Variants in MTMR9 observed in about 807,000 individuals in gnomAD.
MTMR9 encodes myotubularin-related protein 9.
MTMR9 carries 39 observed loss-of-function variants against 69.5 expected under a neutral mutation model. The observed-to-expected ratio is 0.56, with a 90% CI of 0.43 to 0.73. The LOEUF (loss-of-function observed/expected upper bound fraction) is 0.73. Among genes scored for constraint, MTMR9 ranks in the 30% least tolerant of loss-of-function variants. MTMR9 has a pLI of 0.00. For missense variants in MTMR9, 900 were observed against 671.2 expected, an observed-to-expected ratio of 1.34 and a Z score of -3.77; for synonymous variants, 354 against 240.8, an observed-to-expected ratio of 1.47 and a Z score of -4.35.
intron 8 of MTMR9, 143 bp from the exon 9 acceptor site, chr8:11,319,544 A>T: frequency 1.2e-6 from 1 of 810,820 alleles, no homozygotes; most frequent in Non-Finnish European, 1.9e-6. Flanking sequence ...AAATCTATTG[A>T]TTTTTCAACA....
Position 11,326,371 on chromosome 8 carries a change from T to C in MTMR9, c.*3583T>C, listed in dbSNP as rs1800929908. 6.6e-6 allele frequency: 1 copy of C among 152,252 alleles called. No individual in the cohort carries two copies. The highest frequency in any genetic ancestry group is 1.5e-5 in the Non-Finnish European group (1 of 68,046). The allele number at this position is 152,252 out of a possible 1,614,324, so 9.4% of individuals were successfully genotyped here. A position where few individuals can be genotyped will look rare whatever the true frequency, so the allele number is the denominator to read the frequency against. On this transcript the variant is annotated 3_prime_UTR_variant, in exon 10 of 10. Coordinates refer to ENST00000221086, the MANE Select transcript of MTMR9 (RefSeq NM_015458.4). ...CACTCTTTATCAGAAAGGTATTTCCTGGACCAGAAATGGGCAATAGTTACA... is the reference window on the plus strand; with the variant it reads ...CACTCTTTATCAGAAAGGTATTTCCCGGACCAGAAATGGGCAATAGTTACA...
chr8:11,319,876 G>A, intron 9 of MTMR9, 38 bp downstream of exon 9: 1 of 1,608,372 alleles, frequency 6.2e-7, no homozygotes, highest in Middle Eastern at 1.7e-4. Context: ...TTAACGGTCA[G>A]GTGTGCATGC....
chr8:11,304,202 C>T (rs1229997871), intron 3 of MTMR9, among the ~76,000 whole-genome samples: 1 of 152,132 alleles, frequency 6.6e-6, no homozygotes, highest in Non-Finnish European at 1.5e-5. Context: ...TAAGCTTAAC[C>T]TTCCTTAGTA....
rs1800813017 is a variant in MTMR9 at position 11,324,048 on chromosome 8, A to G, written c.*1260A>G. 6.6e-6 allele frequency: 1 copy of G among 152,222 alleles called. No individual in the cohort carries two copies. The highest frequency in any genetic ancestry group is 6.5e-5 in the Admixed American group (1 of 15,278). The allele number at this position is 152,222 out of a possible 1,614,324, so 9.4% of individuals were successfully genotyped here. ...GTTTGGTGACATTGCTCATTTTAAC[A>G]AATATGACCGAGTCTAGTTTTTCTT... On this transcript the variant is annotated 3_prime_UTR_variant, in exon 10 of 10. Coordinates refer to ENST00000221086, the MANE Select transcript of MTMR9 (RefSeq NM_015458.4).
intron 4 of MTMR9, among the ~76,000 whole-genome samples, chr8:11,305,825 G>A (rs553013028): frequency 2.1e-4 from 32 of 152,246 alleles, no homozygotes; most frequent in South Asian, 4.1e-4. Flanking sequence ...CCAACTCTAT[G>A]TATGTTTAGT....
rs935467940 is a variant in MTMR9, at chr8:11,324,820, C to G, written c.*2032C>G. On this transcript the variant is annotated 3_prime_UTR_variant, in exon 10 of 10. Transcript: ENST00000221086. ...TGCAGTGAGCTATGATCGCATCAGTCCACTCCAGCCTGAGCAACAGAGCGA... is the reference window on the plus strand; with the variant it reads ...TGCAGTGAGCTATGATCGCATCAGTGCACTCCAGCCTGAGCAACAGAGCGA... 6.6e-6 allele frequency: 1 copy of G among 152,256 alleles called. No homozygotes were observed. Among genetic ancestry groups the G allele is most frequent in the African/African-American group, 2.4e-5 (1 of 41,426 alleles). The allele number at this position is 152,256 out of a possible 1,614,324, so 9.4% of individuals were successfully genotyped here. A position where few individuals can be genotyped will look rare whatever the true frequency, so the allele number is the denominator to read the frequency against.
rs1240216553 is a variant in MTMR9 at position 11,309,581 on chromosome 8, A to C, written c.864A>C (p.Gln288His). 1 of 1,613,908 alleles carries C rather than the reference A, an allele frequency of 6.2e-7. No individual in the cohort carries two copies. The highest frequency in any genetic ancestry group is 8.5e-7 in the Non-Finnish European group (1 of 1,179,838). ...LIKLVEACND[Q>H]THNMDRWLSK... ...AACTTGTGGAAGCTTGTAATGACCA[A>C]ACACATAACATGGACCGATGGCTCA... Residue 288 changes from glutamine (Q) to histidine (H), a missense_variant, in exon 6 of 10, where the codon CAA becomes CAC. By Grantham distance (24) the Gln-to-His change is conservative. Coordinates refer to ENST00000221086, the MANE Select transcript of MTMR9 (RefSeq NM_015458.4).
rs573778001 is a variant in MTMR9, at chr8:11,298,957, A to G, written c.292-1066A>G. ...CTGCAGCATGAAAATATGATGATAC[A>G]TGACCAAATGGCATATACCAGTCTA... On this transcript the variant is annotated intron_variant, in intron 2 of 9. Coordinates refer to ENST00000221086, the MANE Select transcript of MTMR9 (RefSeq NM_015458.4). The G allele has an allele frequency of 6.7e-5, 51 of 766,762 alleles. 1 individual carries two copies. The East Asian group carries it at 3.3e-3, about 50-fold the overall frequency. 47.5% of individuals were successfully genotyped at this position (766,762 alleles called of 1,614,324 possible).
At chr8:11,333,871 C>T in the MTMR9 span, among the ~76,000 whole-genome samples, 1 of 152,084 alleles carries the variant, frequency 6.6e-6, no homozygotes, top group Non-Finnish European at 1.5e-5. Context: ...ATTTAATTGC[C>T]ATTGTGATGG....
chr8:11,298,911 C>A (rs974507798), intron 2 of MTMR9: 3 of 978,886 alleles, frequency 3.1e-6, no homozygotes, highest in Non-Finnish European at 3.6e-6. Context: ...AGAGTTATTG[C>A]CCCCATTTGA....
intron 2 of MTMR9, among the ~76,000 whole-genome samples, chr8:11,297,658 C>T (rs982233051): frequency 1.3e-5 from 2 of 151,848 alleles, no homozygotes; most frequent in Non-Finnish European, 2.9e-5. Flanking sequence ...TGTGGTGAGG[C>T]ACAGTGGTGA....
At chr8:11,320,012 C>T (rs749390331) in intron 9 of MTMR9, 174 bp downstream of exon 9, 8 of 537,232 alleles carry the variant, frequency 1.5e-5, no homozygotes, top group East Asian at 6.6e-5. Flanking sequence ...GTTATCTAGC[C>T]ACACTTTTTT....
At chr8:11,302,661 A>G (rs1799792086) in intron 3 of MTMR9, among the ~76,000 whole-genome samples, 1 of 152,216 alleles carries the variant, frequency 6.6e-6, no homozygotes, top group Non-Finnish European at 1.5e-5. Flanking sequence ...TCTAAGTTCA[A>G]GAATGAGGCA....
intron 1 of MTMR9, among the ~76,000 whole-genome samples, chr8:11,291,925 A>G (rs1216763844): frequency 6.6e-6 from 1 of 152,136 alleles, no homozygotes; most frequent in Non-Finnish European, 1.5e-5. Flanking sequence ...CACTATATAT[A>G]TTTGAAGTGT....
At chr8:11,288,302 T>C (rs891218631) in intron 1 of MTMR9, among the ~76,000 whole-genome samples, 2 of 139,326 alleles carry the variant, frequency 1.4e-5, no homozygotes, top group Non-Finnish European at 3.0e-5. Flanking sequence ...TAATATATAT[T>C]ATAATATGTA....
In MTMR9 at chr8:11,323,780, T is replaced by C. The variant is rs186201539; in HGVS notation, c.*992T>C. 1.3e-5 allele frequency: 2 copies of C among 152,236 alleles called. No homozygotes were observed. Among genetic ancestry groups the C allele is most frequent in the South Asian group, 2.1e-4 (1 of 4,836 alleles). The allele number at this position is 152,236 out of a possible 1,614,324, so 9.4% of individuals were successfully genotyped here. ...TTTCCTAATACTAAGGTTAAAATTT[T>C]CATGTTGACCTGAGCCTTTTGCAAA... On this transcript the variant is annotated 3_prime_UTR_variant, in exon 10 of 10. Coordinates refer to ENST00000221086, the MANE Select transcript of MTMR9 (RefSeq NM_015458.4).
At chr8:11,286,666 CAAAAAAAAAAAAAA>C in intron 1 of MTMR9, among the ~76,000 whole-genome samples, 1 of 71,664 alleles carries the variant, frequency 1.4e-5, no homozygotes, top group East Asian at 3.3e-4. Flanking sequence ...AACTCCATCT[CAAAAAAAAAAAAAA>C]AAAAAAAAAA....
chr8:11,309,837 G>A (rs1035713326), intron 6 of MTMR9, 149 bp downstream of exon 6: 2 of 744,574 alleles, frequency 2.7e-6, no homozygotes, highest in African/African-American at 3.5e-5. Flanking sequence ...GATGAGGTGT[G>A]TGCCTAGAGT....
Position 11,319,751 on chromosome 8 carries a change from C to G in MTMR9, c.1399C>G (p.Leu467Val). The G allele has an allele frequency of 6.2e-7, 1 of 1,614,162 alleles. No individual in the cohort carries two copies. The highest frequency in any genetic ancestry group is 1.1e-5 in the South Asian group (1 of 91,078). ...GTCCTGGGTTAATCAGCCCAGTGAG[C>G]TGAGTAAATTCACCAATCCCCTCTT... ...LWSWVNQPSELSKFTNPLFEA... is the reference protein window; with the variant it reads ...LWSWVNQPSEVSKFTNPLFEA... The change falls in exon 9 of 10, where the codon CTG (leucine) becomes GTG (valine). Residue 467 changes from leucine to valine, a missense_variant. By Grantham distance (32) the Leu-to-Val change is conservative. Transcript: ENST00000221086.
Sources: allele counts gnomAD v4.1 joint callset (sites outside exome capture counted in the v4.1 genomes callset), GRCh38; gene constraint gnomAD v4.1.1; transcripts MANE v1.5; gene names NCBI Gene and HGNC (gene_info 2026-07-23, HGNC 2026-07-21).